The following SPMIP11 variants were observed in gnomAD, a reference collection of about 807,000 sequenced individuals.
SPMIP11 encodes sperm microtubule inner protein 11, also known as long intergenic non-protein coding RNA 935.
chr12:48,741,778 T>TACAGATGCACA, the SPMIP11 span, among the ~76,000 whole-genome samples: 1 of 152,032 alleles, frequency 6.6e-6, no homozygotes, highest in African/African-American at 2.4e-5. Flanking sequence ...TAGCTGGGAC[T>TACAGATGCACA]ACAGATGCAC....
Sources: allele counts gnomAD v4.1 joint callset (sites outside exome capture counted in the v4.1 genomes callset), GRCh38; gene constraint gnomAD v4.1.1; transcripts MANE v1.5; gene names NCBI Gene and HGNC (gene_info 2026-07-23, HGNC 2026-07-21).